The following TNS3 variants were observed in gnomAD, a reference collection of about 807,000 sequenced individuals.
TNS3 encodes tensin-3.
A neutral mutation model predicts 140.9 loss-of-function variants in TNS3; 45 were observed. The ratio of observed to expected loss-of-function variants is 0.32; its 90% confidence interval spans 0.25 to 0.41. The LOEUF (loss-of-function observed/expected upper bound fraction) is 0.41, where lower values mean the gene tolerates loss of function less well. Ranked by LOEUF, TNS3 falls within the 10% of genes least tolerant of loss-of-function variation. The probability of loss-of-function intolerance (pLI) is 1.00; values close to 1 mark genes in which losing one functional copy is unlikely to be tolerated. For synonymous variants in TNS3, 815 were observed against 788.4 expected, an observed-to-expected ratio of 1.03 and a Z score of -0.56; for missense variants, 1,716 against 1,906.7, an observed-to-expected ratio of 0.90 and a Z score of 1.86.
intron 4 of TNS3, among the ~76,000 whole-genome samples, chr7:47,456,751 A>G (rs558921128): frequency 6.6e-6 from 1 of 152,158 alleles, no homozygotes; most frequent in South Asian, 2.1e-4. Context: ...ACAGCCCACG[A>G]GACATTCGCT....
chr7:47,304,787 T>C, intron 21 of TNS3, 45 bp downstream of exon 21: 1 of 1,340,046 alleles, frequency 7.5e-7, no homozygotes, highest in Non-Finnish European at 9.6e-7. Flanking sequence ...GCATTCTGGG[T>C]CTTTAAGGGG....
At chr7:47,348,040 G>A (rs1417249769) in intron 17 of TNS3, among the ~76,000 whole-genome samples, 2 of 152,210 alleles carry the variant, frequency 1.3e-5, no homozygotes, top group African/African-American at 4.8e-5. Flanking sequence ...AGTGCTGCAG[G>A]CCAGGGAGGG....
chr7:47,473,415 T>A (rs1797039918), intron 4 of TNS3, among the ~76,000 whole-genome samples: 1 of 152,176 alleles, frequency 6.6e-6, no homozygotes, highest in South Asian at 2.1e-4. Flanking sequence ...CAAATATGTT[T>A]GCATGAAGAC....
chr7:47,414,967 G>A (rs895172487), intron 11 of TNS3, 127 bp downstream of exon 11: 2 of 676,894 alleles, frequency 3.0e-6, no homozygotes, highest in African/African-American at 3.7e-5. Flanking sequence ...AATCGCCAGG[G>A]AGGCAGAGGA....
At chr7:47,517,216 C>T (rs1302287322) in intron 2 of TNS3, among the ~76,000 whole-genome samples, 1 of 152,162 alleles carries the variant, frequency 6.6e-6, no homozygotes, top group South Asian at 2.1e-4. Context: ...ACAAGAACGC[C>T]CAACCTTGCA....
At chr7:47,313,083 G>A (rs2150781718) in intron 20 of TNS3, among the ~76,000 whole-genome samples, 1 of 152,248 alleles carries the variant, frequency 6.6e-6, no homozygotes, top group South Asian at 2.1e-4. Flanking sequence ...TGCAGCTCTT[G>A]AGCTGCAGGA....
chr7:47,453,343 T>G (rs556536380), intron 4 of TNS3: 1 of 746,360 alleles, frequency 1.3e-6, no homozygotes, highest in African/African-American at 1.9e-5. Flanking sequence ...GACTAGCCAC[T>G]AGGGAGAACC....
Position 47,413,881 on chromosome 7 carries a change from A to C in TNS3, c.647+56T>G. The C allele has an allele frequency of 1.9e-6, 3 of 1,600,796 alleles. No homozygotes were observed. In the Admixed American group the frequency reaches 5.0e-5, roughly 27 times the overall value. On this transcript the variant is annotated intron_variant, in intron 12 of 30. Transcript: ENST00000311160. The stretch of plus-strand genomic sequence containing the variant: ...GGACAGGCAGCTGAGGGTCAGCTGC[A>C]GTTCCCTGAGCCGTCCAGGTCCCAC...
chr7:47,543,326 C>T (rs1198997742), intron 1 of TNS3, among the ~76,000 whole-genome samples: 2 of 152,156 alleles, frequency 1.3e-5, no homozygotes, highest in Non-Finnish European at 2.9e-5. Context: ...CACACCTGTT[C>T]CCCAGGGCCA....
chr7:47,440,800 A>T (rs1240335136), intron 5 of TNS3, among the ~76,000 whole-genome samples: 1 of 152,232 alleles, frequency 6.6e-6, no homozygotes, highest in Non-Finnish European at 1.5e-5. Context: ...CGTGTCCTTA[A>T]GTCCCTCCAA....
At chr7:47,473,368 T>C (rs746269114) in intron 4 of TNS3, among the ~76,000 whole-genome samples, 1 of 152,196 alleles carries the variant, frequency 6.6e-6, no homozygotes, top group Non-Finnish European at 1.5e-5. Flanking sequence ...CGTATATCCA[T>C]TGACCTAATA....
chr7:47,461,155 T>C (rs1796474366), intron 4 of TNS3, among the ~76,000 whole-genome samples: 1 of 152,184 alleles, frequency 6.6e-6, no homozygotes, highest in Non-Finnish European at 1.5e-5. Flanking sequence ...CATAAGACAG[T>C]GAGCCCCGCA....
At chr7:47,389,069 GAAGAAGAAGAAGAAGAGGAA>G (rs1562675070) in intron 16 of TNS3, among the ~76,000 whole-genome samples, 2 of 68,588 alleles carry the variant, frequency 2.9e-5, no homozygotes, top group African/African-American at 1.4e-4. Flanking sequence ...AGAAGAAGAA[GAAGAAGAAGAAGAAGAGGAA>G]GAGGAAGAGG....
chr7:47,322,439 T>C (rs557784674), intron 20 of TNS3, among the ~76,000 whole-genome samples: 1 of 151,942 alleles, frequency 6.6e-6, no homozygotes, highest in African/African-American at 2.4e-5. Flanking sequence ...GGAGAATCGC[T>C]TGAACCCGGG....
chr7:47,367,591 C>T (rs1205253528), intron 17 of TNS3, among the ~76,000 whole-genome samples: 4 of 152,204 alleles, frequency 2.6e-5, no homozygotes, highest in African/African-American at 7.2e-5. Context: ...CAGTCCTGGC[C>T]TCCCTGCAGT....
intron 6 of TNS3, among the ~76,000 whole-genome samples, chr7:47,437,567 C>T (rs1050057117): frequency 2.0e-5 from 3 of 151,414 alleles, no homozygotes; most frequent in Non-Finnish European, 2.9e-5. Flanking sequence ...TTGAAAAATA[C>T]AGACTTGTGT....
intron 20 of TNS3, among the ~76,000 whole-genome samples, chr7:47,318,520 C>T (rs1008952289): frequency 1.3e-5 from 2 of 152,156 alleles, no homozygotes; most frequent in African/African-American, 4.8e-5. Context: ...AATGCACCAG[C>T]ACAGGGCAGT....
intron 3 of TNS3, among the ~76,000 whole-genome samples, chr7:47,492,324 G>A (rs1408089593): frequency 6.6e-6 from 1 of 152,250 alleles, no homozygotes; most frequent in East Asian, 1.9e-4. Flanking sequence ...CTTCATGGAG[G>A]ACACAGCCGC....
chr7:47,290,650 T>C (rs946939684), intron 27 of TNS3, among the ~76,000 whole-genome samples: 44 of 152,272 alleles, frequency 2.9e-4, no homozygotes, highest in Middle Eastern at 3.4e-3. Flanking sequence ...ACGCTACTAT[T>C]AGAAAGGCCA....
Sources: allele counts gnomAD v4.1 joint callset (sites outside exome capture counted in the v4.1 genomes callset), GRCh38; gene constraint gnomAD v4.1.1; transcripts MANE v1.5; gene names NCBI Gene and HGNC (gene_info 2026-07-23, HGNC 2026-07-21).